ASH1L: variants seen among roughly 807,000 people sequenced by gnomAD.
ASH1L encodes the protein histone-lysine N-methyltransferase ASH1L.
A neutral mutation model predicts 269.0 loss-of-function variants in ASH1L; 23 were observed. The observed-to-expected ratio is 0.09, with a 90% confidence interval of 0.06 to 0.12. ASH1L has a LOEUF of 0.12. Among genes scored for constraint, ASH1L ranks in the 10% least tolerant of loss-of-function variants. ASH1L has a pLI of 1.00. For synonymous variants in ASH1L, 1,187 were observed against 1,253.5 expected (o/e 0.95, Z 1.12); for missense variants, 2,912 against 3,567.8 (o/e 0.82, Z 4.68).
chr1:155,506,471 TG>T (rs1248064671), intron 2 of ASH1L, among the ~76,000 whole-genome samples: 1 of 149,960 alleles, frequency 6.7e-6, no homozygotes, highest in Non-Finnish European at 1.5e-5. Context: ...CCGAAGTGGG[TG>T]GATCACCTGA....
At chr1:155,394,501 A>AAAGATAC (rs1658192637) in intron 7 of ASH1L, among the ~76,000 whole-genome samples, 1 of 152,226 alleles carries the variant, frequency 6.6e-6, no homozygotes, top group South Asian at 2.1e-4. Context: ...AGCCTGAAGA[A>AAAGATAC]AAGATACTAC....
intron 17 of ASH1L, among the ~76,000 whole-genome samples, chr1:155,350,523 C>T (rs1653804266): frequency 6.6e-6 from 1 of 152,160 alleles, no homozygotes. Context: ...TGAGGGTAAT[C>T]TGCTTAGGGC....
Position 155,357,736 on chromosome 1 carries a change from C to T in ASH1L, c.6809G>A (p.Cys2270Tyr). The change falls in exon 14 of 28, where the codon TGT (cysteine) becomes TAT (tyrosine). Residue 2270 changes from cysteine (C) to tyrosine (Y), a missense_variant. Physicochemically the swap from Cys to Tyr is radical, Grantham distance 194. This residue lies in a region of ASH1L where 309 missense variants were observed against 435.1 expected (regional missense o/e 0.71). Coordinates refer to ENST00000392403, the MANE Select transcript of ASH1L (RefSeq NM_018489.3). ...FNVEKQQLCKCGFEKCRGIIG... is the reference protein window; with the variant it reads ...FNVEKQQLCKYGFEKCRGIIG... Reference sequence around the variant, plus strand: ...GATTCCTCGACATTTCTCAAAGCCACACTTACAAAGTTGCTTTGAAGGGAG... The same window carrying T: ...GATTCCTCGACATTTCTCAAAGCCATACTTACAAAGTTGCTTTGAAGGGAG... 6.2e-7 allele frequency: 1 copy of T among 1,611,902 alleles called. No individual in the cohort carries two copies. The highest frequency in any genetic ancestry group is 1.3e-5 in the African/African-American group (1 of 74,916).
At chr1:155,453,576 G>C (rs1349483540) in intron 4 of ASH1L, among the ~76,000 whole-genome samples, 1 of 152,090 alleles carries the variant, frequency 6.6e-6, no homozygotes, top group African/African-American at 2.4e-5. Context: ...AAGGCAGGTG[G>C]ATCACCTGAG....
At chr1:155,407,623 T>C (rs796789009) in intron 6 of ASH1L, among the ~76,000 whole-genome samples, 16 of 152,282 alleles carry the variant, frequency 1.1e-4, no homozygotes, top group African/African-American at 3.4e-4. Flanking sequence ...CAAATGTTCA[T>C]AGCAGCATTA....
At chr1:155,448,786 C>A (rs917106890) in intron 4 of ASH1L, among the ~76,000 whole-genome samples, 1 of 152,034 alleles carries the variant, frequency 6.6e-6, no homozygotes, top group South Asian at 2.1e-4. Context: ...TGAGCAACTG[C>A]GCCCAGCCCA....
At chr1:155,506,059 A>G (rs1222927528) in intron 2 of ASH1L, among the ~76,000 whole-genome samples, 1 of 151,968 alleles carries the variant, frequency 6.6e-6, no homozygotes, top group Admixed American at 6.6e-5. Context: ...TCATTGTTCA[A>G]TTCCCACCTA....
At chr1:155,390,899 T>C (rs1173415192) in intron 7 of ASH1L, among the ~76,000 whole-genome samples, 1 of 151,882 alleles carries the variant, frequency 6.6e-6, no homozygotes, top group Non-Finnish European at 1.5e-5. Flanking sequence ...TCTGCCCGCC[T>C]TGGCTTCCCA....
Position 155,357,376 on chromosome 1 carries a change from A to T in ASH1L, c.6995T>A (p.Ile2332Asn), listed in dbSNP as rs201789145. ...GGGGGTCAATCTAGTTGGGGTGTTG[A>T]TATTTTCACTGGGTTCCTCAGAGAG... ...GHLSEEPSEN[I>N]NTPTRLTPQL... is the part of the protein sequence containing the mutation. The change falls in exon 15 of 28, where the codon ATC becomes AAC. Residue 2332 changes from isoleucine (I) to asparagine (N), a missense_variant. Ile to Asn is a moderately radical substitution (Grantham distance 149). Transcript: ENST00000392403. 1.4e-5 allele frequency: 22 copies of T among 1,613,948 alleles called. No homozygotes were observed. In the African/African-American group the frequency reaches 2.7e-4, roughly 20 times the overall value.
chr1:155,347,412 C>T (rs762549916), intron 20 of ASH1L, among the ~76,000 whole-genome samples: 5 of 148,334 alleles, frequency 3.4e-5, no homozygotes, highest in Non-Finnish European at 4.5e-5. Context: ...ATCTTATAAA[C>T]AAAACAAAAC....
chr1:155,502,094 AG>A (rs1667551745), intron 2 of ASH1L, among the ~76,000 whole-genome samples: 1 of 134,902 alleles, frequency 7.4e-6, no homozygotes, highest in African/African-American at 2.8e-5. Flanking sequence ...TTTTTGAGAC[AG>A]AGTCTCACAC....
intron 5 of ASH1L, among the ~76,000 whole-genome samples, chr1:155,424,057 G>T (rs1660937702): frequency 6.6e-6 from 1 of 152,128 alleles, no homozygotes; most frequent in Non-Finnish European, 1.5e-5. Flanking sequence ...AACCACAGCT[G>T]CAGACCCCAA....
chr1:155,356,341 A>T, intron 15 of ASH1L, among the ~76,000 whole-genome samples: 1 of 152,158 alleles, frequency 6.6e-6, no homozygotes, highest in East Asian at 1.9e-4. Context: ...ACTTCAAAAA[A>T]TTTAAATTAT....
intron 7 of ASH1L, among the ~76,000 whole-genome samples, chr1:155,386,338 G>A (rs1166130767): frequency 2.6e-5 from 4 of 151,900 alleles, no homozygotes; most frequent in Non-Finnish European, 5.9e-5. Context: ...AAAGTGCTGG[G>A]TTTACAGATG....
rs373550992 is a variant in ASH1L, at chr1:155,527,835, C to A, written c.-99-6217G>T. ...AGCTGGGATGACAGGCATGAGTCAC[C>A]GTGCCCAGCTCTGGGACTCCTCTCT... On this transcript the variant is annotated intron_variant, in intron 1 of 27. Transcript: ENST00000392403. Among the ~76,000 whole-genome samples, 361 of 152,174 alleles carry A rather than the reference C, an allele frequency of 2.4e-3. 1 individual carries two copies. The highest frequency in any genetic ancestry group is 8.3e-3 in the African/African-American group (344 of 41,510).
At chr1:155,558,397 G>C (rs1391468081) in intron 1 of ASH1L, among the ~76,000 whole-genome samples, 4 of 152,100 alleles carry the variant, frequency 2.6e-5, no homozygotes, top group African/African-American at 9.7e-5. Flanking sequence ...CTTGAACCCA[G>C]GAGGCAGAGG....
chr1:155,531,463 G>T (rs1669673107), intron 1 of ASH1L, among the ~76,000 whole-genome samples: 1 of 151,748 alleles, frequency 6.6e-6, no homozygotes, highest in East Asian at 1.9e-4. Context: ...TTCAAGCAAA[G>T]AATTCATTTT....
At chr1:155,514,556 T>A (rs1016605512) in intron 2 of ASH1L, among the ~76,000 whole-genome samples, 6 of 152,018 alleles carry the variant, frequency 3.9e-5, no homozygotes, top group African/African-American at 1.4e-4. Context: ...TTTATATTTA[T>A]ATTTATATTT....
chr1:155,480,717 C>T lies in ASH1L; in HGVS notation c.2153G>A (p.Arg718Gln), dbSNP rs752283029. The T allele has an allele frequency of 8.7e-6, 14 of 1,613,588 alleles. No individual in the cohort carries two copies. The highest frequency in any genetic ancestry group is 3.3e-5 in the Admixed American group (2 of 59,984). ...GCTTCTTGCCACCACTTTAGTCCAC[C>T]GAGGTTTTCTTCCTTTTCTTTTTTT... is the stretch of plus-strand genomic sequence containing the variant. ...PLKKRKGRKP[R>Q]WTKVVARSTC... The change falls in exon 3 of 28, where the codon CGG (arginine) becomes CAG (glutamine). Residue 718 changes from arginine to glutamine, a missense_variant. Arg to Gln is a conservative substitution (Grantham distance 43). This residue lies in a region of ASH1L where 715 missense variants were observed against 721.0 expected (regional missense o/e 0.99). Transcript: ENST00000392403.
Sources: allele counts gnomAD v4.1 joint callset (sites outside exome capture counted in the v4.1 genomes callset), GRCh38; gene constraint gnomAD v4.1.1; regional missense constraint gnomAD v4.1.1; transcripts MANE v1.5; gene names NCBI Gene and HGNC (gene_info 2026-07-23, HGNC 2026-07-21).